RPS6KC1: variants seen among roughly 807,000 people sequenced by gnomAD.
RPS6KC1 encodes the protein inactive ribosomal protein S6 kinase delta-1.
In RPS6KC1, 54 loss-of-function variants were observed where a neutral mutation model predicts 103.8. The observed-to-expected ratio is 0.52, with a 90% confidence interval of 0.42 to 0.65. The LOEUF (loss-of-function observed/expected upper bound fraction) is 0.65, where lower values mean the gene tolerates loss of function less well. Ranked by LOEUF, RPS6KC1 falls within the 30% of genes least tolerant of loss-of-function variation. RPS6KC1 has a pLI of 0.00. For synonymous variants in RPS6KC1, 439 were observed against 438.7 expected (o/e 1.00, Z -0.01); for missense variants, 1,151 against 1,253.8 (o/e 0.92, Z 1.24).
chr1:213,137,795 A>C (rs71634702), intron 6 of RPS6KC1, among the ~76,000 whole-genome samples: 1 of 39,890 alleles, frequency 2.5e-5, no homozygotes, highest in African/African-American at 7.3e-5. Context: ...ATATATATAT[A>C]TATATTTTTT....
chr1:213,283,368 G>A, the RPS6KC1 span, among the ~76,000 whole-genome samples: 5 of 152,108 alleles, frequency 3.3e-5, no homozygotes, highest in Non-Finnish European at 5.9e-5. Flanking sequence ...AAATAAATTC[G>A]TAGACAACAT....
chr1:213,112,977 G>A (rs1310669965), intron 4 of RPS6KC1, among the ~76,000 whole-genome samples: 1 of 152,158 alleles, frequency 6.6e-6, no homozygotes, highest in Non-Finnish European at 1.5e-5. Flanking sequence ...GGACATTTGG[G>A]TTGGTTCCAA....
the RPS6KC1 span, among the ~76,000 whole-genome samples, chr1:213,328,069 T>G: frequency 1.5e-3 from 230 of 152,218 alleles, no homozygotes; most frequent in Non-Finnish European, 2.6e-3. Context: ...TTTACATGTA[T>G]GGTAGCTGTC....
At chr1:213,649,943 A>G in the RPS6KC1 span, among the ~76,000 whole-genome samples, 8 of 152,202 alleles carry the variant, frequency 5.3e-5, no homozygotes, top group African/African-American at 1.9e-4. Context: ...CTCGGCATTC[A>G]TGGACACTTT....
At chr1:213,164,922 A>G (rs140177221) in intron 6 of RPS6KC1, among the ~76,000 whole-genome samples, 2,318 of 152,322 alleles carry the variant, frequency 0.015, 60 homozygotes, top group Admixed American at 0.023. Flanking sequence ...TGAATGATTA[A>G]CAGATAATCA....
intron 8 of RPS6KC1, among the ~76,000 whole-genome samples, chr1:213,204,572 A>G (rs953917113): frequency 6.6e-6 from 1 of 152,074 alleles, no homozygotes; most frequent in Non-Finnish European, 1.5e-5. Context: ...CTGTAAGGAA[A>G]ACATTTTTAA....
the RPS6KC1 span, among the ~76,000 whole-genome samples, chr1:213,407,216 G>GCACACA: frequency 1.1e-5 from 1 of 92,716 alleles, no homozygotes; most frequent in African/African-American, 2.8e-5. Context: ...ACATGCACGC[G>GCACACA]CGCACACACA....
intron 8 of RPS6KC1, among the ~76,000 whole-genome samples, chr1:213,224,845 TATA>T (rs1168305031): frequency 6.6e-6 from 1 of 152,224 alleles, no homozygotes; most frequent in Non-Finnish European, 1.5e-5. Flanking sequence ...TGCATGCAAC[TATA>T]ATATTAATGC....
chr1:213,589,178 T>A, the RPS6KC1 span, among the ~76,000 whole-genome samples: 2 of 152,212 alleles, frequency 1.3e-5, no homozygotes, highest in African/African-American at 2.4e-5. Flanking sequence ...TTAGGCAGCA[T>A]GTGCATCAGA....
chr1:213,107,220 G>A (rs2082587985), intron 4 of RPS6KC1, among the ~76,000 whole-genome samples: 1 of 152,146 alleles, frequency 6.6e-6, no homozygotes. Context: ...GGGATTACAG[G>A]TGTGAGCTAC....
At chr1:213,526,986 A>G in the RPS6KC1 span, among the ~76,000 whole-genome samples, 1 of 152,222 alleles carries the variant, frequency 6.6e-6, no homozygotes, top group Non-Finnish European at 1.5e-5. Flanking sequence ...TGGATGGCTT[A>G]ATTGACATCT....
At chr1:213,111,300 A>G (rs573405802) in intron 4 of RPS6KC1, among the ~76,000 whole-genome samples, 76 of 152,252 alleles carry the variant, frequency 5.0e-4, no homozygotes, top group Middle Eastern at 3.4e-3. Flanking sequence ...CTCTTCATTA[A>G]CAGAAAAACT....
intron 8 of RPS6KC1, among the ~76,000 whole-genome samples, chr1:213,176,967 T>C (rs973813142): frequency 2.0e-5 from 3 of 152,202 alleles, no homozygotes; most frequent in African/African-American, 7.2e-5. Context: ...GGTGGAAAAG[T>C]GATGTTTAGA....
At chr1:213,210,842 G>C (rs2093483960) in intron 8 of RPS6KC1, among the ~76,000 whole-genome samples, 1 of 152,168 alleles carries the variant, frequency 6.6e-6, no homozygotes, top group Non-Finnish European at 1.5e-5. Context: ...CAACTTAGTT[G>C]GATATGTATT....
At chr1:213,566,455 T>TGGATA in the RPS6KC1 span, among the ~76,000 whole-genome samples, 20 of 28,736 alleles carry the variant, frequency 7.0e-4, no homozygotes, top group Non-Finnish European at 9.1e-4. Context: ...TTTTTTTTTT[T>TGGATA]TTTTTTTTTT....
At chr1:213,738,255 C>T in the RPS6KC1 span, among the ~76,000 whole-genome samples, 2 of 152,110 alleles carry the variant, frequency 1.3e-5, no homozygotes, top group African/African-American at 4.8e-5. Context: ...ACTCTAGGTG[C>T]CAGTGTTTCT....
chr1:213,401,128 T>G, the RPS6KC1 span, among the ~76,000 whole-genome samples: 1 of 152,164 alleles, frequency 6.6e-6, no homozygotes, highest in African/African-American at 2.4e-5. Context: ...TGAGAGTTTT[T>G]CAGACTTCCT....
the RPS6KC1 span, among the ~76,000 whole-genome samples, chr1:213,322,984 G>A: frequency 8.3e-6 from 1 of 120,742 alleles, no homozygotes; most frequent in Non-Finnish European, 1.6e-5. Context: ...AGCTGGTCTC[G>A]AACCCCTAAC....
chr1:213,202,682 A>G (rs930642602), intron 8 of RPS6KC1, among the ~76,000 whole-genome samples: 4 of 152,074 alleles, frequency 2.6e-5, no homozygotes, highest in Admixed American at 2.6e-4. Context: ...AAAACCCCCT[A>G]CAGTGACAAA....
Sources: gnomAD v4.1 joint callset for allele counts (sites outside exome capture counted in the v4.1 genomes callset) on GRCh38, gnomAD v4.1.1 for gene constraint, MANE v1.5 for transcripts, NCBI Gene and HGNC (gene_info 2026-07-23, HGNC 2026-07-21) for gene names.